The following PLD5 variants were observed in gnomAD, a reference collection of about 807,000 sequenced individuals.
PLD5 encodes the protein inactive phospholipase D5.
In PLD5, 36 loss-of-function variants were observed where a neutral mutation model predicts 61.1. The ratio of observed to expected loss-of-function variants is 0.59; its 90% CI spans 0.45 to 0.78. The LOEUF (loss-of-function observed/expected upper bound fraction) is 0.78. Among genes scored for constraint, PLD5 ranks in the 30% least tolerant of loss-of-function variants. The pLI, the probability that PLD5 is intolerant of heterozygous loss-of-function variation, is 0.00. For missense variants in PLD5, 515 were observed against 644.4 expected (o/e 0.80, Z 2.17); for synonymous variants, 243 against 242.8 (o/e 1.00, Z -0.01).
intron 5 of PLD5, among the ~76,000 whole-genome samples, chr1:242,199,844 T>C (rs1281137452): frequency 6.6e-6 from 1 of 152,314 alleles, no homozygotes; most frequent in East Asian, 1.9e-4. Context: ...AAAGACATGA[T>C]TTCATTCTTT....
intron 5 of PLD5, among the ~76,000 whole-genome samples, chr1:242,151,636 G>A (rs2148818471): frequency 6.6e-6 from 1 of 151,950 alleles, no homozygotes; most frequent in Non-Finnish European, 1.5e-5. Flanking sequence ...TTCCTTACTT[G>A]TTTGCTTTGT....
At chr1:242,271,403 T>C (rs1674074213) in intron 3 of PLD5, among the ~76,000 whole-genome samples, 1 of 152,000 alleles carries the variant, frequency 6.6e-6, no homozygotes, top group Non-Finnish European at 1.5e-5. Flanking sequence ...GGTGAAAAGG[T>C]ACCTGAAGGT....
intron 1 of PLD5, among the ~76,000 whole-genome samples, chr1:242,415,241 C>T (rs933327767): frequency 6.6e-6 from 1 of 152,108 alleles, no homozygotes; most frequent in African/African-American, 2.4e-5. Flanking sequence ...TCAGTAACCC[C>T]TCTTCTATAA....
At chr1:242,242,088 T>C (rs1265989194) in intron 4 of PLD5, among the ~76,000 whole-genome samples, 1 of 148,204 alleles carries the variant, frequency 6.7e-6, no homozygotes, top group Non-Finnish European at 1.5e-5. Flanking sequence ...GACAAAATGA[T>C]CATTAAAAAA....
intron 1 of PLD5, among the ~76,000 whole-genome samples, chr1:242,426,006 C>A (rs1477265665): frequency 6.6e-6 from 1 of 152,132 alleles, no homozygotes; most frequent in Non-Finnish European, 1.5e-5. Context: ...CTTGTATTAA[C>A]ACTTAGCTTA....
intron 1 of PLD5, among the ~76,000 whole-genome samples, chr1:242,427,282 A>T (rs77371335): frequency 0.024 from 3,663 of 152,344 alleles, 176 homozygotes; most frequent in African/African-American, 0.084. Context: ...TTTCTAGAGT[A>T]ACTCCAGAAG....
intron 1 of PLD5, among the ~76,000 whole-genome samples, chr1:242,491,422 T>C (rs1053486197): frequency 1.3e-5 from 2 of 152,192 alleles, no homozygotes; most frequent in African/African-American, 4.8e-5. Flanking sequence ...CACAATTACA[T>C]AGATGCCTTA....
chr1:242,259,696 T>C (rs1026060217), intron 4 of PLD5, among the ~76,000 whole-genome samples: 1 of 152,186 alleles, frequency 6.6e-6, no homozygotes, highest in Non-Finnish European at 1.5e-5. Flanking sequence ...GCCTGCTTTT[T>C]TTTTTCAAAA....
intron 5 of PLD5, among the ~76,000 whole-genome samples, chr1:242,135,553 C>G (rs1040849371): frequency 3.3e-5 from 5 of 152,182 alleles, no homozygotes; most frequent in East Asian, 3.8e-4. Context: ...CATTTTTCAG[C>G]ATTGGATGCT....
chr1:242,419,679 C>T (rs1459503556), intron 1 of PLD5, among the ~76,000 whole-genome samples: 4 of 147,438 alleles, frequency 2.7e-5, no homozygotes, highest in African/African-American at 1.0e-4. Flanking sequence ...TCCCGAAGTG[C>T]TGGGATTACA....
At chr1:242,512,631 G>A (rs1668966168) in intron 1 of PLD5, among the ~76,000 whole-genome samples, 3 of 152,114 alleles carry the variant, frequency 2.0e-5, no homozygotes, top group Admixed American at 1.3e-4. Flanking sequence ...GGAGACATAT[G>A]GAAGTTGAAA....
At chr1:242,483,774 C>A (rs1271676040) in intron 1 of PLD5, among the ~76,000 whole-genome samples, 1 of 152,154 alleles carries the variant, frequency 6.6e-6, no homozygotes, top group Non-Finnish European at 1.5e-5. Context: ...CAGCACCACA[C>A]CACACCTATT....
At chr1:242,315,140 G>A (rs986636525) in intron 2 of PLD5, among the ~76,000 whole-genome samples, 2 of 152,178 alleles carry the variant, frequency 1.3e-5, no homozygotes, top group Non-Finnish European at 2.9e-5. Flanking sequence ...TCTGTCAGAT[G>A]TTTAGCCTCT....
chr1:242,425,563 T>A (rs535909449), intron 1 of PLD5, among the ~76,000 whole-genome samples: 4 of 152,082 alleles, frequency 2.6e-5, no homozygotes, highest in Admixed American at 2.0e-4. Flanking sequence ...ATAAATACTA[T>A]ATGCTTAGGC....
rs137993001 is a variant in PLD5, at chr1:242,399,365, T to C, written c.190-51123A>G. ...AAACATGATCAAATCCAATTTATGC[T>C]TGAAAAAGATGTTGGCACTCACTTT... is the stretch of plus-strand genomic sequence containing the variant. On this transcript the variant is annotated intron_variant, in intron 1 of 9. Transcript: ENST00000536534. 2.5e-3 allele frequency among the ~76,000 whole-genome samples: 386 copies of C among 152,334 alleles called. 7 individuals carry two copies. Among genetic ancestry groups the C allele is most frequent in the East Asian group, 0.025 (129 of 5,174 alleles).
At chr1:242,137,289 C>T (rs975657833) in intron 5 of PLD5, among the ~76,000 whole-genome samples, 9 of 152,158 alleles carry the variant, frequency 5.9e-5, no homozygotes, top group Non-Finnish European at 1.0e-4. Flanking sequence ...CTATAAAATC[C>T]CCAGTAACCC....
intron 5 of PLD5, among the ~76,000 whole-genome samples, chr1:242,184,196 C>T (rs1187451103): frequency 2.0e-5 from 3 of 152,142 alleles, no homozygotes; most frequent in Middle Eastern, 3.2e-3. Context: ...CCTAGTTTCG[C>T]CATGAACACT....
At chr1:242,498,206 G>A (rs546632651) in intron 1 of PLD5, among the ~76,000 whole-genome samples, 48 of 152,214 alleles carry the variant, frequency 3.2e-4, no homozygotes, top group Non-Finnish European at 5.0e-4. Flanking sequence ...CTCGTGATCC[G>A]CCCACCTTGG....
At chr1:242,491,372 T>C (rs920656922) in intron 1 of PLD5, among the ~76,000 whole-genome samples, 16 of 152,194 alleles carry the variant, frequency 1.1e-4, no homozygotes, top group Admixed American at 3.3e-4. Context: ...AATAGATACA[T>C]GAAGAAACGT....
Sources: gnomAD v4.1 joint callset for allele counts (sites outside exome capture counted in the v4.1 genomes callset) on GRCh38, gnomAD v4.1.1 for gene constraint, MANE v1.5 for transcripts, NCBI Gene and HGNC (gene_info 2026-07-23, HGNC 2026-07-21) for gene names.